SPNS3: variants seen among roughly 807,000 people sequenced by gnomAD.
The protein encoded by SPNS3 is SPNS lysolipid transporter 3, sphingosine-1-phosphate (putative), also known as protein spinster homolog 3.
SPNS3 carries 51 observed loss-of-function variants against 54.4 expected under a neutral mutation model. The ratio of observed to expected loss-of-function variants is 0.94; its 90% CI spans 0.75 to 1.18. The LOEUF is 1.18. Ranked by LOEUF, SPNS3 falls within the 50% of genes most tolerant of loss-of-function variation. The pLI, the probability that SPNS3 is intolerant of heterozygous loss-of-function variation, is 0.00. For synonymous variants in SPNS3, 309 were observed against 294.7 expected (o/e 1.05, Z -0.50); for missense variants, 669 against 677.4 (o/e 0.99, Z 0.14).
chr17:4,470,568 T>G (rs1971829302), intron 8 of SPNS3, among the ~76,000 whole-genome samples: 1 of 152,084 alleles, frequency 6.6e-6, no homozygotes, highest in Admixed American at 6.6e-5. Context: ...AAAAAGAAAT[T>G]TCATGCCTAT....
chr17:4,484,259 T>C (rs1025888908), intron 9 of SPNS3, among the ~76,000 whole-genome samples: 2 of 152,210 alleles, frequency 1.3e-5, no homozygotes, highest in African/African-American at 4.8e-5. Context: ...TCTCATGGGT[T>C]GTTCAAGTTG....
intron 9 of SPNS3, among the ~76,000 whole-genome samples, chr17:4,478,889 A>G (rs954959411): frequency 6.6e-6 from 1 of 152,186 alleles, no homozygotes; most frequent in Admixed American, 6.5e-5. Context: ...CACAGCCCCA[A>G]CGCAGGGAGC....
At chr17:4,460,898 G>GT (rs1971481138) in intron 8 of SPNS3, among the ~76,000 whole-genome samples, 1 of 152,034 alleles carries the variant, frequency 6.6e-6, no homozygotes, top group East Asian at 1.9e-4. Flanking sequence ...TTCCTCTTCT[G>GT]TTTTTTGGAA....
intron 1 of SPNS3, among the ~76,000 whole-genome samples, chr17:4,438,186 G>T (rs1177129377): frequency 1.3e-5 from 2 of 152,196 alleles, no homozygotes; most frequent in Admixed American, 6.6e-5. Flanking sequence ...TGGTGTGGGT[G>T]TTTCTGCGGG....
At chr17:4,444,853 G>C in intron 2 of SPNS3, 179 bp from the exon 3 acceptor site, 1 of 732,446 alleles carries the variant, frequency 1.4e-6, no homozygotes, top group African/African-American at 1.8e-5. Context: ...TCTGGGCTGC[G>C]GCTGCATGTT....
chr17:4,450,815 G>A (rs1971144505), intron 7 of SPNS3, among the ~76,000 whole-genome samples: 2 of 149,908 alleles, frequency 1.3e-5, no homozygotes, highest in South Asian at 2.1e-4. Context: ...ACCATGTTGG[G>A]CAGGCTGGTC....
chr17:4,451,262 TTTC>T (rs1193377377), intron 7 of SPNS3, among the ~76,000 whole-genome samples: 1 of 107,748 alleles, frequency 9.3e-6, no homozygotes. Flanking sequence ...TTTTTTTTTT[TTTC>T]CATTTGAGAC....
At position 4,437,788 on chromosome 17, in the gene SPNS3, CT is replaced by C. The variant is rs35523910; in HGVS notation, c.200-1855del. ...AAATTAAATGTCTAAACAAAGATTTCTTTTTTTTTTTTTTTGGAGACGGAGT... is the reference window on the plus strand; with the variant it reads ...AAATTAAATGTCTAAACAAAGATTTCTTTTTTTTTTTTTTGGAGACGGAGT... On this transcript the variant is annotated intron_variant, in intron 1 of 11. Transcript: ENST00000355530. 2.5e-3 allele frequency among the ~76,000 whole-genome samples: 354 copies of C among 144,042 alleles called. 3 individuals are homozygous for C. In the South Asian group the frequency reaches 0.025, roughly 10 times the overall value. 94.5% of individuals were successfully genotyped at this position (144,042 alleles called of 152,430 possible).
chr17:4,435,249 C>A (rs1447315427), intron 1 of SPNS3, among the ~76,000 whole-genome samples: 2 of 151,620 alleles, frequency 1.3e-5, no homozygotes, highest in African/African-American at 4.8e-5. Context: ...ATGGTGAAAC[C>A]CCGTCTCTAC....
chr17:4,480,832 CCAT>C (rs78722690), intron 9 of SPNS3, among the ~76,000 whole-genome samples: 7,632 of 137,028 alleles, frequency 0.056, 247 homozygotes, highest in East Asian at 0.12. Context: ...CTTTGCACCA[CCAT>C]CCCAGAGCCT....
intron 8 of SPNS3, among the ~76,000 whole-genome samples, chr17:4,476,195 G>A (rs1971993940): frequency 1.3e-5 from 2 of 152,240 alleles, no homozygotes. Context: ...CCGCAGCTGA[G>A]CCCTTTGCCC....
In SPNS3 at chr17:4,477,806, G is replaced by A. The variant is rs527773682; in HGVS notation, c.1114-766G>A. Among the ~76,000 whole-genome samples the A allele has an allele frequency of 1.0e-3, 158 of 152,224 alleles. 1 individual carries two copies. The highest frequency in any genetic ancestry group is 1.9e-3 in the Non-Finnish European group (126 of 68,008). ...CTGCTCCAAGGGAAGGGGATGGCCC[G>A]GAGGGTCCTTTGGTGGGGTGCCTGG... On this transcript the variant is annotated intron_variant, in intron 8 of 11. Transcript: ENST00000355530.
rs8070065 is a variant in SPNS3 at position 4,480,587 on chromosome 17, C to T, written c.1179+1950C>T. Reference sequence around the variant, plus strand: ...TGAAGGCTGCACCCGTGTCCCCCAGCGTCTGCATTTGTAAGAATGATTAAC... The same window carrying T: ...TGAAGGCTGCACCCGTGTCCCCCAGTGTCTGCATTTGTAAGAATGATTAAC... On this transcript the variant is annotated intron_variant, in intron 9 of 11. Coordinates refer to ENST00000355530, the MANE Select transcript of SPNS3 (RefSeq NM_182538.5). 7.0e-3 allele frequency among the ~76,000 whole-genome samples: 1,067 copies of T among 152,084 alleles called. 12 individuals carry two copies. The highest frequency in any genetic ancestry group is 0.024 in the African/African-American group (1,012 of 41,496).
intron 8 of SPNS3, among the ~76,000 whole-genome samples, chr17:4,458,011 G>A (rs566005239): frequency 5.5e-5 from 8 of 145,830 alleles, no homozygotes; most frequent in East Asian, 2.1e-4. Context: ...ATGCCATCCC[G>A]CCCCCACCCC....
At chr17:4,434,279 T>G in intron 1 of SPNS3, 113 bp downstream of exon 1, 51 of 981,172 alleles carry the variant, frequency 5.2e-5, no homozygotes, top group Non-Finnish European at 7.2e-5. Flanking sequence ...CCTGGGCCCA[T>G]CTCTGGTGTT....
At position 4,487,869 on chromosome 17, in the gene SPNS3, C is replaced by T; in HGVS notation, c.1514C>T (p.Ala505Val). The T allele has an allele frequency of 1.2e-6, 2 of 1,614,062 alleles. No homozygotes were observed. The highest frequency in any genetic ancestry group is 1.7e-6 in the Non-Finnish European group (2 of 1,179,906). Residue 505 changes from alanine to valine, a missense_variant, in exon 12 of 12, where the codon GCT (alanine) becomes GTT (valine). Transcript: ENST00000355530. ...DLERQGLLSG[A>V]GASTEEP ...GAGAGACAAGGCCTACTTTCGGGCGCTGGCGCCTCTACAGAGGAGCCCTGA... is the reference window on the plus strand; with the variant it reads ...GAGAGACAAGGCCTACTTTCGGGCGTTGGCGCCTCTACAGAGGAGCCCTGA...
intron 1 of SPNS3, among the ~76,000 whole-genome samples, chr17:4,438,201 C>T (rs1970762742): frequency 6.6e-6 from 1 of 152,148 alleles, no homozygotes; most frequent in Non-Finnish European, 1.5e-5. Context: ...TGCGGGGACC[C>T]ACTTGGGGGC....
chr17:4,459,775 T>C (rs1971446483), intron 8 of SPNS3, among the ~76,000 whole-genome samples: 1 of 151,614 alleles, frequency 6.6e-6, no homozygotes, highest in African/African-American at 2.4e-5. Context: ...GACAAAAATG[T>C]CTCTGTCCTG....
intron 3 of SPNS3, 39 bp downstream of exon 3, chr17:4,445,207 T>G: frequency 1.3e-6 from 2 of 1,569,580 alleles, no homozygotes; most frequent in African/African-American, 2.7e-5. Context: ...CTGAGGCCCC[T>G]TCCCCACCTG....
Sources: gnomAD v4.1 joint callset for allele counts (sites outside exome capture counted in the v4.1 genomes callset) on GRCh38, gnomAD v4.1.1 for gene constraint, MANE v1.5 for transcripts, NCBI Gene and HGNC (gene_info 2026-07-23, HGNC 2026-07-21) for gene names.